Variants in CSMD1 observed in about 807,000 individuals in gnomAD.
The protein encoded by CSMD1 is CUB and sushi domain-containing protein 1.
CSMD1 carries 213 observed loss-of-function variants against 417.5 expected under a neutral mutation model. That is an observed-to-expected ratio of 0.51 (90% CI 0.46 to 0.57). The LOEUF (loss-of-function observed/expected upper bound fraction) is 0.57, where lower values mean the gene tolerates loss of function less well. Among genes scored for constraint, CSMD1 ranks in the 20% least tolerant of loss-of-function variants. CSMD1 has a pLI of 0.00. For synonymous variants in CSMD1, 2,862 were observed against 1,736.8 expected, an observed-to-expected ratio of 1.65 and a Z score of -16.11; for missense variants, 6,923 against 4,529.7, an observed-to-expected ratio of 1.53 and a Z score of -15.17.
chr8:3,971,813 C>T (rs1435738507), intron 5 of CSMD1, among the ~76,000 whole-genome samples: 1 of 152,184 alleles, frequency 6.6e-6, no homozygotes, highest in Non-Finnish European at 1.5e-5. Flanking sequence ...CTTACTTTCT[C>T]TGTCTGTTGC....
intron 12 of CSMD1, among the ~76,000 whole-genome samples, chr8:3,422,353 C>A (rs901140935): frequency 6.6e-6 from 1 of 152,076 alleles, no homozygotes; most frequent in Admixed American, 6.6e-5. Context: ...AGAAGTTAAA[C>A]CTGAAAGAGG....
chr8:3,245,067 G>C (rs1295547181), intron 26 of CSMD1, among the ~76,000 whole-genome samples: 1 of 152,212 alleles, frequency 6.6e-6, no homozygotes, highest in Non-Finnish European at 1.5e-5. Flanking sequence ...GGAGGAAAGG[G>C]GACGTGTTAG....
Position 2,949,631 on chromosome 8 carries a change from A to T in CSMD1, c.10315-245T>A, listed in dbSNP as rs139429901. 3.0e-3 allele frequency among the ~76,000 whole-genome samples: 449 copies of T among 152,160 alleles called. 1 individual carries two copies. The highest frequency in any genetic ancestry group is 4.8e-3 in the Non-Finnish European group (329 of 67,988). The stretch of plus-strand genomic sequence containing the variant: ...ATCTCATTTTGATCTCGAAAATGAT[A>T]GCAAATTTTACAATATATCCATATG... On this transcript the variant is annotated intron_variant, in intron 67 of 69. Transcript: ENST00000635120.
intron 37 of CSMD1, among the ~76,000 whole-genome samples, chr8:3,180,706 G>T (rs921631351): frequency 6.6e-6 from 1 of 152,066 alleles, no homozygotes; most frequent in African/African-American, 2.4e-5. Flanking sequence ...TGCAATCTTG[G>T]CTCATGGCAA....
At chr8:3,144,800 G>C (rs112681819) in intron 40 of CSMD1, among the ~76,000 whole-genome samples, 2 of 141,336 alleles carry the variant, frequency 1.4e-5, no homozygotes, top group Middle Eastern at 3.6e-3. Context: ...AACAAGGGGG[G>C]GGGGGAGGGA....
intron 2 of CSMD1, among the ~76,000 whole-genome samples, chr8:4,439,978 T>G (rs1397867880): frequency 6.6e-6 from 1 of 152,180 alleles, no homozygotes; most frequent in Non-Finnish European, 1.5e-5. Context: ...CCTGCACACT[T>G]CACCAGCCTA....
chr8:4,495,548 C>G (rs1287177178), intron 2 of CSMD1, among the ~76,000 whole-genome samples: 1 of 151,642 alleles, frequency 6.6e-6, no homozygotes, highest in Non-Finnish European at 1.5e-5. Context: ...GCACTCTAGC[C>G]TGGGTGACAG....
chr8:4,602,350 T>G (rs751206244), intron 2 of CSMD1, among the ~76,000 whole-genome samples: 10 of 152,154 alleles, frequency 6.6e-5, no homozygotes, highest in Non-Finnish European at 1.0e-4. Flanking sequence ...ATAAGGAAGC[T>G]GAAACAGAAG....
At chr8:4,471,761 A>G (rs541016562) in intron 2 of CSMD1, among the ~76,000 whole-genome samples, 1 of 152,148 alleles carries the variant, frequency 6.6e-6, no homozygotes, top group Non-Finnish European at 1.5e-5. Context: ...CCATTTCTTT[A>G]GCGTCACAAA....
intron 3 of CSMD1, among the ~76,000 whole-genome samples, chr8:4,033,021 A>G (rs1424962265): frequency 2.0e-5 from 3 of 150,164 alleles, no homozygotes; most frequent in East Asian, 2.0e-4. Context: ...CTTTGTATGC[A>G]TGATAAAAAC....
At chr8:2,989,318 T>G (rs1806184121) in intron 54 of CSMD1, among the ~76,000 whole-genome samples, 1 of 152,164 alleles carries the variant, frequency 6.6e-6, no homozygotes, top group Non-Finnish European at 1.5e-5. Flanking sequence ...ATAAATTCTG[T>G]GTACTAGATT....
intron 1 of CSMD1, among the ~76,000 whole-genome samples, chr8:4,824,922 C>G (rs577161826): frequency 6.6e-6 from 1 of 152,026 alleles, no homozygotes; most frequent in Non-Finnish European, 1.5e-5. Context: ...CAAATGCTAA[C>G]GTAAAGCCAA....
At chr8:3,469,925 C>A (rs1816990703) in intron 11 of CSMD1, among the ~76,000 whole-genome samples, 1 of 152,180 alleles carries the variant, frequency 6.6e-6, no homozygotes, top group Non-Finnish European at 1.5e-5. Flanking sequence ...TGTTCTTTTT[C>A]ATTTGCTTGT....
intron 4 of CSMD1, among the ~76,000 whole-genome samples, chr8:4,027,931 G>C (rs945817258): frequency 2.6e-5 from 4 of 152,112 alleles, no homozygotes; most frequent in African/African-American, 7.2e-5. Context: ...GGAAATAATG[G>C]TAGAAATAAG....
At chr8:4,060,356 T>A (rs1048600536) in intron 3 of CSMD1, among the ~76,000 whole-genome samples, 9 of 152,182 alleles carry the variant, frequency 5.9e-5, no homozygotes, top group Non-Finnish European at 1.2e-4. Flanking sequence ...GGGCCAAAAC[T>A]GGAAGCATTC....
intron 4 of CSMD1, among the ~76,000 whole-genome samples, chr8:4,025,690 G>A (rs887856418): frequency 1.1e-4 from 16 of 152,078 alleles, no homozygotes; most frequent in Non-Finnish European, 2.1e-4. Context: ...CAAGAATAAC[G>A]AATAGTTGAA....
At chr8:4,625,251 T>A (rs1003396771) in intron 2 of CSMD1, among the ~76,000 whole-genome samples, 1 of 152,016 alleles carries the variant, frequency 6.6e-6, no homozygotes, top group Non-Finnish European at 1.5e-5. Flanking sequence ...AGTCACCTGC[T>A]TGGAACGCCA....
At chr8:3,120,777 C>T (rs904731952) in intron 41 of CSMD1, among the ~76,000 whole-genome samples, 4 of 151,900 alleles carry the variant, frequency 2.6e-5, no homozygotes, top group Non-Finnish European at 2.9e-5. Flanking sequence ...AACCCAGGAG[C>T]AGAAGGTTGC....
intron 5 of CSMD1, among the ~76,000 whole-genome samples, chr8:3,922,717 CT>C (rs1257848457): frequency 6.6e-6 from 1 of 151,938 alleles, no homozygotes; most frequent in Non-Finnish European, 1.5e-5. Context: ...CTATCTACAT[CT>C]TTTTTATATT....
Sources: allele counts gnomAD v4.1 joint callset (sites outside exome capture counted in the v4.1 genomes callset), GRCh38; gene constraint gnomAD v4.1.1; transcripts MANE v1.5; gene names NCBI Gene and HGNC (gene_info 2026-07-23, HGNC 2026-07-21).